PCSK6: variants seen among roughly 807,000 people sequenced by gnomAD.
PCSK6 encodes the protein paired basic amino acid cleaving enzyme 4.
PCSK6 carries 85 observed loss-of-function variants against 123.3 expected under a neutral mutation model. That is an observed-to-expected ratio of 0.69 (90% CI 0.58 to 0.83). The LOEUF (loss-of-function observed/expected upper bound fraction) is 0.83. Ranked by LOEUF, PCSK6 falls within the 40% of genes least tolerant of loss-of-function variation. The pLI is 0.00. For missense variants in PCSK6, 1,191 were observed against 1,282.3 expected (o/e 0.93, Z 1.09); for synonymous variants, 508 against 516.0 (o/e 0.98, Z 0.21).
chr15:101,412,551 CTG>C (rs1567202426), intron 6 of PCSK6, among the ~76,000 whole-genome samples: 1 of 150,860 alleles, frequency 6.6e-6, no homozygotes, highest in Non-Finnish European at 1.5e-5. Context: ...AATAAAGAAA[CTG>C]AAAGTCTCAG....
chr15:101,373,597 G>A (rs1322379827), intron 11 of PCSK6, among the ~76,000 whole-genome samples: 3 of 152,154 alleles, frequency 2.0e-5, no homozygotes, highest in Non-Finnish European at 4.4e-5. Flanking sequence ...AATAAAAGAG[G>A]AGGCTTCAAA....
intron 13 of PCSK6, among the ~76,000 whole-genome samples, chr15:101,343,213 G>C (rs1362379874): frequency 6.9e-6 from 1 of 145,400 alleles, no homozygotes; most frequent in Admixed American, 7.3e-5. Flanking sequence ...CTATAATCAT[G>C]CGTTTTTCTT....
At chr15:101,326,595 G>C in intron 15 of PCSK6, 116 bp from the exon 16 acceptor site, 4 of 984,412 alleles carry the variant, frequency 4.1e-6, no homozygotes, top group Non-Finnish European at 6.1e-6. Flanking sequence ...ACGCTCCCAG[G>C]CCCCGCTGGG....
chr15:101,338,142 G>A (rs1203885700), intron 13 of PCSK6, among the ~76,000 whole-genome samples: 1 of 152,140 alleles, frequency 6.6e-6, no homozygotes, highest in African/African-American at 2.4e-5. Context: ...CCCAGGCGAG[G>A]GACCACAGGC....
intron 18 of PCSK6, among the ~76,000 whole-genome samples, chr15:101,320,834 G>A (rs1224946188): frequency 6.6e-6 from 1 of 152,216 alleles, no homozygotes; most frequent in East Asian, 1.9e-4. Flanking sequence ...GTGGCTGACG[G>A]CTGGCGATGC....
chr15:101,405,819 C>T (rs1433460585), intron 6 of PCSK6, among the ~76,000 whole-genome samples: 1 of 152,088 alleles, frequency 6.6e-6, no homozygotes, highest in Non-Finnish European at 1.5e-5. Context: ...TCTCAGCTCA[C>T]TGCAACCTCG....
intron 1 of PCSK6, among the ~76,000 whole-genome samples, chr15:101,466,928 G>A (rs1017965298): frequency 6.6e-6 from 1 of 152,044 alleles, no homozygotes; most frequent in Non-Finnish European, 1.5e-5. Flanking sequence ...GATGGGGTGC[G>A]GGGACAGTTG....
chr15:101,424,100 T>C (rs1000321770), intron 6 of PCSK6, among the ~76,000 whole-genome samples: 3 of 151,564 alleles, frequency 2.0e-5, no homozygotes, highest in African/African-American at 4.9e-5. Flanking sequence ...CTGGGAAAGG[T>C]TGTGTTCACC....
intron 1 of PCSK6, among the ~76,000 whole-genome samples, 182 bp downstream of exon 1, chr15:101,489,192 C>A (rs1483747755): frequency 6.7e-5 from 5 of 75,166 alleles, no homozygotes; most frequent in African/African-American, 1.3e-4. Flanking sequence ...CCGCGCGCGC[C>A]CCCCCGGGCG....
chr15:101,334,389 C>T (rs2040431151), intron 13 of PCSK6: 3 of 76,760 alleles, frequency 3.9e-5, no homozygotes, highest in Admixed American at 1.4e-4. Context: ...TTGTTCTCAC[C>T]GCTGCAGCAG....
At chr15:101,427,202 G>A (rs1001890722) in intron 6 of PCSK6, among the ~76,000 whole-genome samples, 6 of 152,116 alleles carry the variant, frequency 3.9e-5, no homozygotes, top group Admixed American at 2.6e-4. Context: ...CCAGACGCAC[G>A]CGGGGCAGGG....
chr15:101,453,260 G>T (rs562240192), intron 1 of PCSK6, among the ~76,000 whole-genome samples: 12 of 152,348 alleles, frequency 7.9e-5, no homozygotes, highest in African/African-American at 2.9e-4. Context: ...TCTGGGGTAG[G>T]GAGGCTGCTT....
chr15:101,370,395 C>G lies in PCSK6; in HGVS notation c.1661G>C (p.Gly554Ala). 9 of 1,553,692 alleles carry G rather than the reference C, an allele frequency of 5.8e-6. No homozygotes were observed. In the South Asian group the frequency reaches 1.1e-4, roughly 18 times the overall value. Residue 554 changes from glycine (G) to alanine (A), a missense_variant, in exon 12 of 22, where the codon GGA (glycine) becomes GCA (alanine). Physicochemically the swap from Gly to Ala is moderately conservative, Grantham distance 60. Transcript: ENST00000611716. ...AGAAACCAGGTAGATCTGGAGGTCT[C>G]CTCGGCGTGGGTGTGAGATGGAGGT... is the stretch of plus-strand genomic sequence containing the variant. The part of the protein sequence containing the change: ...VRTSISHPRR[G>A]DLQIYLVSPS...
At chr15:101,443,052 G>T (rs1443910501) in intron 2 of PCSK6, among the ~76,000 whole-genome samples, 1 of 152,184 alleles carries the variant, frequency 6.6e-6, no homozygotes, top group Non-Finnish European at 1.5e-5. Context: ...TATGCAGAAA[G>T]GAAGTATAAT....
chr15:101,359,236 C>T (rs1342365651), intron 13 of PCSK6, among the ~76,000 whole-genome samples: 1 of 152,170 alleles, frequency 6.6e-6, no homozygotes, highest in African/African-American at 2.4e-5. Context: ...GAATGTGTCC[C>T]CGCCCCCCAA....
At chr15:101,328,539 G>A (rs1219327618) in intron 15 of PCSK6, among the ~76,000 whole-genome samples, 4 of 152,138 alleles carry the variant, frequency 2.6e-5, no homozygotes, top group African/African-American at 4.8e-5. Flanking sequence ...GGATGTCCTC[G>A]GAGGAGGACA....
At chr15:101,307,598 G>A (rs2039755290) in intron 20 of PCSK6, 2 of 383,946 alleles carry the variant, frequency 5.2e-6, no homozygotes, top group South Asian at 3.0e-5. Context: ...GGCCTCCGAG[G>A]CTTCCCGCAG....
chr15:101,422,599 A>C (rs2056117150), intron 6 of PCSK6, among the ~76,000 whole-genome samples: 1 of 151,616 alleles, frequency 6.6e-6, no homozygotes, highest in Non-Finnish European at 1.5e-5. Flanking sequence ...ACAAGCTCAC[A>C]TTTAACCAAC....
chr15:101,433,816 C>T (rs536494406), intron 2 of PCSK6, among the ~76,000 whole-genome samples: 135 of 152,370 alleles, frequency 8.9e-4, no homozygotes, highest in Non-Finnish European at 1.7e-3. Flanking sequence ...CCTGCATACA[C>T]AGCTCAAATT....
Sources: allele counts gnomAD v4.1 joint callset (sites outside exome capture counted in the v4.1 genomes callset), GRCh38; gene constraint gnomAD v4.1.1; transcripts MANE v1.5; gene names NCBI Gene and HGNC (gene_info 2026-07-23, HGNC 2026-07-21).